The following PPP2R5E variants were observed in gnomAD, a reference collection of about 807,000 sequenced individuals.
The protein encoded by PPP2R5E is protein phosphatase 2 regulatory subunit B'epsilon.
Under a neutral mutation model 65.3 loss-of-function variants are expected in PPP2R5E, and 4 were observed. The observed-to-expected ratio is 0.06, with a 90% CI of 0.03 to 0.14. The LOEUF (loss-of-function observed/expected upper bound fraction) is 0.14. Ranked by LOEUF, PPP2R5E falls within the 10% of genes least tolerant of loss-of-function variation. The probability of loss-of-function intolerance (pLI) is 1.00; values close to 1 mark genes in which losing one functional copy is unlikely to be tolerated. For missense variants in PPP2R5E, 274 were observed against 556.1 expected, an observed-to-expected ratio of 0.49 and a Z score of 5.10; for synonymous variants, 183 against 187.4, an observed-to-expected ratio of 0.98 and a Z score of 0.19.
intron 2 of PPP2R5E, among the ~76,000 whole-genome samples, chr14:63,518,009 T>C (rs1282210230): frequency 6.6e-6 from 1 of 152,030 alleles, no homozygotes; most frequent in Non-Finnish European, 1.5e-5. Context: ...AAACTTAAGA[T>C]TGTGTACTTT....
rs1319532498 is a variant in PPP2R5E at position 63,488,574 on chromosome 14, C to A, written c.158-34689G>T. On this transcript the variant is annotated intron_variant, in intron 2 of 13. Coordinates refer to ENST00000337537, the MANE Select transcript of PPP2R5E (RefSeq NM_006246.5). ...AAAAAATTCCCAAAAAAGGGCCAAG[C>A]ATTGTGGGTCATGCCTGTAATCCCA... 5.3e-5 allele frequency among the ~76,000 whole-genome samples: 8 copies of A among 152,208 alleles called. No individual in the cohort carries two copies. In the East Asian group the frequency reaches 1.5e-3, roughly 29 times the overall value.
chr14:63,377,872 T>C (rs949549004), intron 13 of PPP2R5E, among the ~76,000 whole-genome samples: 1 of 152,224 alleles, frequency 6.6e-6, no homozygotes, highest in Non-Finnish European at 1.5e-5. Flanking sequence ...TTTTTGCTTT[T>C]GTTCTTTTCT....
rs78350251 is a variant in PPP2R5E at position 63,512,310 on chromosome 14, G to A, written c.157+27219C>T. 5.2e-3 allele frequency among the ~76,000 whole-genome samples: 798 copies of A among 152,218 alleles called. 8 individuals carry two copies. Among genetic ancestry groups the A allele is most frequent in the African/African-American group, 0.018 (763 of 41,544 alleles). On this transcript the variant is annotated intron_variant, in intron 2 of 13. Transcript: ENST00000337537. ...AACCAAGCTGCACTTCTCTTCCTTA[G>A]CAGATACAGATAGATGGGTAGAGAT... is the stretch of plus-strand genomic sequence containing the variant.
chr14:63,397,220 G>A (rs1054082497), intron 5 of PPP2R5E, among the ~76,000 whole-genome samples: 7 of 152,162 alleles, frequency 4.6e-5, no homozygotes, highest in Admixed American at 1.3e-4. Flanking sequence ...AAAATAAGCT[G>A]ACTGCCTGTG....
chr14:63,393,989 G>T, intron 7 of PPP2R5E, 61 bp from the exon 8 acceptor site: 1 of 905,466 alleles, frequency 1.1e-6, no homozygotes, highest in Non-Finnish European at 1.8e-6. Flanking sequence ...GAGACAAACT[G>T]TTCTTGTGAT....
intron 2 of PPP2R5E, among the ~76,000 whole-genome samples, chr14:63,478,514 C>T (rs1375244400): frequency 6.6e-6 from 1 of 152,126 alleles, no homozygotes; most frequent in Non-Finnish European, 1.5e-5. Context: ...TAATAGAAAG[C>T]AACTGGATTC....
chr14:63,506,027 G>A (rs1892154824), intron 2 of PPP2R5E, among the ~76,000 whole-genome samples: 1 of 152,146 alleles, frequency 6.6e-6, no homozygotes. Flanking sequence ...TTCTGAGCAT[G>A]TAAATATTTG....
chr14:63,382,043 T>C lies in PPP2R5E; in HGVS notation c.1304+13A>G, dbSNP rs1284575090. On this transcript the variant is annotated intron_variant, in intron 13 of 13. Coordinates refer to ENST00000337537, the MANE Select transcript of PPP2R5E (RefSeq NM_006246.5). ...CTTTATGCACAGCTGACAAAAAAGC[T>C]TTAAAAAGTTACCGCTGACGATCTG... is the stretch of plus-strand genomic sequence containing the variant. 1 of 1,602,666 alleles carries C rather than the reference T, an allele frequency of 6.2e-7. No individual in the cohort carries two copies. Among genetic ancestry groups the C allele is most frequent in the Admixed American group, 1.7e-5 (1 of 58,770 alleles).
chr14:63,534,959 G>A (rs1003852805), intron 2 of PPP2R5E, among the ~76,000 whole-genome samples: 3 of 152,140 alleles, frequency 2.0e-5, no homozygotes, highest in African/African-American at 7.2e-5. Flanking sequence ...TTTCACAAAA[G>A]CATATAAAGA....
At chr14:63,404,192 A>C (rs1347223132) in intron 5 of PPP2R5E, among the ~76,000 whole-genome samples, 1 of 152,246 alleles carries the variant, frequency 6.6e-6, no homozygotes, top group Admixed American at 6.5e-5. Flanking sequence ...AACTATTTTT[A>C]AAAGTCATTA....
At position 63,430,377 on chromosome 14, in the gene PPP2R5E, G is replaced by GCATGCATACATA. The variant is rs1887587508; in HGVS notation, c.355-8284_355-8283insTATGTATGCATG. On this transcript the variant is annotated intron_variant, in intron 3 of 13. Coordinates refer to ENST00000337537, the MANE Select transcript of PPP2R5E (RefSeq NM_006246.5). ...TACATACATACATACATACATGCAT[G>GCATGCATACATA]CATACATACATACATACATACATGC... Among the ~76,000 whole-genome samples the GCATGCATACATA allele has an allele frequency of 8.8e-5, 12 of 136,950 alleles. No homozygotes were observed. In the East Asian group the frequency reaches 2.5e-3, roughly 29 times the overall value. The allele number at this position is 136,950 out of a possible 152,430, so 89.8% of individuals were successfully genotyped here.
chr14:63,521,069 T>C (rs1000745365), intron 2 of PPP2R5E, among the ~76,000 whole-genome samples: 21 of 151,690 alleles, frequency 1.4e-4, no homozygotes, highest in African/African-American at 4.8e-4. Flanking sequence ...CACATGCATA[T>C]AATGTATTTT....
chr14:63,378,984 A>G (rs1468061265), intron 13 of PPP2R5E, among the ~76,000 whole-genome samples: 2 of 150,718 alleles, frequency 1.3e-5, no homozygotes, highest in African/African-American at 4.9e-5. Context: ...ACACCCTTCT[A>G]TTGCTCATTT....
At position 63,506,172 on chromosome 14, in the gene PPP2R5E, C is replaced by G. The variant is rs61983975; in HGVS notation, c.157+33357G>C. On this transcript the variant is annotated intron_variant, in intron 2 of 13. Coordinates refer to ENST00000337537, the MANE Select transcript of PPP2R5E (RefSeq NM_006246.5). ...TCACCTTAATAACAAAAAGATTGGC[C>G]GGGCGCAGTGGCTCAAGCCTGTAAT... 1.2e-4 allele frequency among the ~76,000 whole-genome samples: 18 copies of G among 152,128 alleles called. No homozygotes were observed. The East Asian group carries it at 3.3e-3, about 28-fold the overall frequency.
chr14:63,538,018 C>T (rs970455002), intron 2 of PPP2R5E, among the ~76,000 whole-genome samples: 21 of 152,114 alleles, frequency 1.4e-4, no homozygotes, highest in Non-Finnish European at 2.1e-4. Flanking sequence ...ATATTAAAAA[C>T]GTGTTGGGCC....
In PPP2R5E at chr14:63,375,796, T is replaced by C; in HGVS notation, c.*213A>G. On this transcript the variant is annotated 3_prime_UTR_variant, in exon 14 of 14. Transcript: ENST00000337537. ...GAGAACAATGATTATGTTTGCAAAG[T>C]TCTGAGAAGTCCATCTACTGTCCAA... is the stretch of plus-strand genomic sequence containing the variant. 1 of 367,438 alleles carries C rather than the reference T, an allele frequency of 2.7e-6. No individual in the cohort carries two copies. The highest frequency in any genetic ancestry group is 4.9e-6 in the Non-Finnish European group (1 of 205,374). The allele number at this position is 367,438 out of a possible 1,614,324, so 22.8% of individuals were successfully genotyped here.
Position 63,519,034 on chromosome 14 carries a change from G to A in PPP2R5E, c.157+20495C>T, listed in dbSNP as rs1387551829. Among the ~76,000 whole-genome samples, 6 of 152,294 alleles carry A rather than the reference G, an allele frequency of 3.9e-5. No homozygotes were observed. In the South Asian group the frequency reaches 1.2e-3, roughly 32 times the overall value. On this transcript the variant is annotated intron_variant, in intron 2 of 13. Coordinates refer to ENST00000337537, the MANE Select transcript of PPP2R5E (RefSeq NM_006246.5). ...GGGAGTTCGAGACCAGCCTAACATGGAGAAACCCCGTCTCTACTAAAAATA... is the reference window on the plus strand; with the variant it reads ...GGGAGTTCGAGACCAGCCTAACATGAAGAAACCCCGTCTCTACTAAAAATA...
At chr14:63,542,371 G>A (rs939658109) in intron 1 of PPP2R5E, among the ~76,000 whole-genome samples, 3 of 152,102 alleles carry the variant, frequency 2.0e-5, no homozygotes, top group Non-Finnish European at 2.9e-5. Context: ...GGGGAAGTAG[G>A]GAAAGACAGG....
intron 2 of PPP2R5E, among the ~76,000 whole-genome samples, chr14:63,485,600 G>C (rs555244393): frequency 1.3e-5 from 2 of 151,918 alleles, no homozygotes; most frequent in East Asian, 3.9e-4. Context: ...TTTTAGTAGA[G>C]ACGGGGTTTC....
Sources: allele counts gnomAD v4.1 joint callset (sites outside exome capture counted in the v4.1 genomes callset), GRCh38; gene constraint gnomAD v4.1.1; transcripts MANE v1.5; gene names NCBI Gene and HGNC (gene_info 2026-07-23, HGNC 2026-07-21).